The following KMT5B variants were observed in gnomAD, a reference collection of about 807,000 sequenced individuals.
KMT5B encodes the protein histone-lysine N-methyltransferase KMT5B.
A neutral mutation model predicts 83.2 loss-of-function variants in KMT5B; 10 were observed. The ratio of observed to expected loss-of-function variants is 0.12; its 90% CI spans 0.07 to 0.20. The LOEUF is 0.20. Ranked by LOEUF, KMT5B falls within the 10% of genes least tolerant of loss-of-function variation. The pLI is 1.00. For missense variants in KMT5B, 753 were observed against 1,067.2 expected (o/e 0.71, Z 4.10); for synonymous variants, 349 against 388.8 (o/e 0.90, Z 1.20).
chr11:68,170,996 A>G lies in KMT5B; in HGVS notation c.977+19T>C. On this transcript the variant is annotated intron_variant, in intron 9 of 10. Transcript: ENST00000304363. ...TTAACAAAAAATGTTTAGGCTGAAC[A>G]TTTTACTTAATACCTTACCTTTCGC... 1 of 1,566,742 alleles carries G rather than the reference A, an allele frequency of 6.4e-7. No homozygotes were observed. The highest frequency in any genetic ancestry group is 8.6e-7 in the Non-Finnish European group (1 of 1,164,430).
chr11:68,158,899 C>T lies in KMT5B; in HGVS notation c.1447G>A (p.Val483Ile). Residue 483 changes from valine to isoleucine, a missense_variant, in exon 11 of 11, where the codon GTT becomes ATT. Coordinates refer to ENST00000304363, the MANE Select transcript of KMT5B (RefSeq NM_017635.5). The part of the protein sequence containing the change: ...GNLVLKEPKV[V>I]LYKNLPIKKD... ...TTAATGGGCAAATTTTTATACAGAA[C>T]TACTTTAGGCTCTTTCAGTACTAAG... The T allele has an allele frequency of 6.2e-7, 1 of 1,614,158 alleles. No individual in the cohort carries two copies. The highest frequency in any genetic ancestry group is 8.5e-7 in the Non-Finnish European group (1 of 1,180,040).
chr11:68,174,572 G>A (rs911563437), intron 5 of KMT5B, among the ~76,000 whole-genome samples: 9 of 152,170 alleles, frequency 5.9e-5, no homozygotes, highest in Admixed American at 5.9e-4. Context: ...CTGTCTCCCA[G>A]GGCTGGAGCG....
chr11:68,161,061 A>G (rs1301088859), intron 10 of KMT5B, among the ~76,000 whole-genome samples: 1 of 152,230 alleles, frequency 6.6e-6, no homozygotes, highest in Non-Finnish European at 1.5e-5. Context: ...AAACAAGAAC[A>G]TACTTACACA....
intron 10 of KMT5B, among the ~76,000 whole-genome samples, chr11:68,160,403 T>C (rs1166801199): frequency 6.6e-6 from 1 of 152,190 alleles, no homozygotes; most frequent in Non-Finnish European, 1.5e-5. Context: ...GTTGAAAAAC[T>C]TCTTCCTAAT....
At chr11:68,204,873 T>G (rs1051058434) in intron 1 of KMT5B, among the ~76,000 whole-genome samples, 1 of 152,072 alleles carries the variant, frequency 6.6e-6, no homozygotes, top group Non-Finnish European at 1.5e-5. Context: ...CACCTTGGCC[T>G]CCCAAAGTGC....
At chr11:68,177,740 A>AAT (rs1374486131) in intron 4 of KMT5B, among the ~76,000 whole-genome samples, 16 of 152,222 alleles carry the variant, frequency 1.1e-4, no homozygotes, top group Non-Finnish European at 2.1e-4. Flanking sequence ...CAGACAGATA[A>AAT]ATGCAAGTCC....
intron 3 of KMT5B, among the ~76,000 whole-genome samples, chr11:68,182,668 T>C (rs770525321): frequency 6.6e-6 from 1 of 151,762 alleles, no homozygotes; most frequent in African/African-American, 2.4e-5. Flanking sequence ...GGCAGCCTTC[T>C]GGAATACGGC....
chr11:68,171,856 G>T lies in KMT5B; in HGVS notation c.654-147C>A. 3.1e-6 allele frequency: 2 copies of T among 650,520 alleles called. No homozygotes were observed. Among genetic ancestry groups the T allele is most frequent in the South Asian group, 4.2e-5 (2 of 48,162 alleles). 40.3% of individuals were successfully genotyped at this position (650,520 alleles called of 1,614,324 possible). A position where few individuals can be genotyped will look rare whatever the true frequency, so the allele number is the denominator to read the frequency against. ...GTTAGCTCACTGGGATCCCCACCTG[G>T]CTATCTTCTCTCCTACCCTGGAGCT... On this transcript the variant is annotated intron_variant, in intron 6 of 10. Coordinates refer to ENST00000304363, the MANE Select transcript of KMT5B (RefSeq NM_017635.5). This position sits in a 1 kb window ranked among gnomAD's most constrained non-coding sequence, Gnocchi z 5.1.
intron 10 of KMT5B, among the ~76,000 whole-genome samples, chr11:68,159,494 AT>A (rs1266093485): frequency 6.6e-6 from 1 of 152,198 alleles, no homozygotes; most frequent in East Asian, 1.9e-4. Flanking sequence ...TCTTCTCCTG[AT>A]TTAGTAGTTT....
Position 68,171,377 on chromosome 11 carries a change from G to T in KMT5B, c.821-126C>A, listed in dbSNP as rs984429671. 1.6e-5 allele frequency: 20 copies of T among 1,286,640 alleles called. No homozygotes were observed. Among genetic ancestry groups the T allele is most frequent in the Admixed American group, 4.6e-5 (2 of 43,320 alleles). 79.7% of individuals were successfully genotyped at this position (1,286,640 alleles called of 1,614,324 possible). A position where few individuals can be genotyped will look rare whatever the true frequency, so the allele number is the denominator to read the frequency against. On this transcript the variant is annotated intron_variant, in intron 7 of 10. Transcript: ENST00000304363. The surrounding 1 kb of genome is among the most constrained non-coding windows in gnomAD (Gnocchi z 5.1). ...CTTTTGATAGGAGTTTAGGTCTCAA[G>T]TTCAACTAAAGGAATATACATTTAT...
chr11:68,162,107 T>G (rs983571482), intron 10 of KMT5B, among the ~76,000 whole-genome samples: 55 of 152,274 alleles, frequency 3.6e-4, no homozygotes, highest in African/African-American at 1.3e-3. Flanking sequence ...AGTCCACCCC[T>G]GCAATGTCAC....
In KMT5B at chr11:68,158,792, T is replaced by A; in HGVS notation, c.1554A>T (p.Arg518Ser). Residue 518 changes from arginine (R) to serine (S), a missense_variant, in exon 11 of 11, where the codon AGA (arginine) becomes AGT (serine). Arg to Ser is a moderately radical substitution (Grantham distance 110). Coordinates refer to ENST00000304363, the MANE Select transcript of KMT5B (RefSeq NM_017635.5). ...CLTRHAAREHRQNPVRGAHSQ... is the reference protein window; with the variant it reads ...CLTRHAAREHSQNPVRGAHSQ... ...AATGAGCACCTCTCACAGGATTCTG[T>A]CTGTGTTCTCTCGCCGCGTGTCTAG... 6.2e-7 allele frequency: 1 copy of A among 1,614,142 alleles called. No homozygotes were observed. The highest frequency in any genetic ancestry group is 8.5e-7 in the Non-Finnish European group (1 of 1,180,020).
intron 1 of KMT5B, among the ~76,000 whole-genome samples, chr11:68,194,533 A>G (rs925801952): frequency 3.3e-5 from 5 of 152,194 alleles, no homozygotes; most frequent in Admixed American, 2.6e-4. Flanking sequence ...AATGCATTGA[A>G]GATTTGAATT....
chr11:68,211,068 C>T (rs1028611102), intron 1 of KMT5B, among the ~76,000 whole-genome samples: 2 of 152,124 alleles, frequency 1.3e-5, no homozygotes, highest in African/African-American at 2.4e-5. Flanking sequence ...GAACCCAGGC[C>T]CTATAAACCC....
chr11:68,201,491 T>C (rs558148217), intron 1 of KMT5B, among the ~76,000 whole-genome samples: 2 of 152,268 alleles, frequency 1.3e-5, no homozygotes, highest in African/African-American at 4.8e-5. Context: ...TTTTGAGAAA[T>C]TGTGTCCAAT....
Position 68,206,470 on chromosome 11 carries a change from T to C in KMT5B, c.-77+6668A>G, listed in dbSNP as rs187491150. On this transcript the variant is annotated intron_variant, in intron 1 of 10. Transcript: ENST00000304363. ...CTGGACGTTAGAGGCCACTTTGAGT[T>C]TGCCAGCTGGTGGGCTTTGCAGAGG... 7.9e-5 allele frequency among the ~76,000 whole-genome samples: 12 copies of C among 152,284 alleles called. No homozygotes were observed. In the East Asian group the frequency reaches 2.3e-3, roughly 29 times the overall value.
intron 1 of KMT5B, among the ~76,000 whole-genome samples, chr11:68,199,640 A>C (rs1859168237): frequency 6.6e-6 from 1 of 152,184 alleles, no homozygotes; most frequent in South Asian, 2.1e-4. Flanking sequence ...AGCTTGCTAC[A>C]TGGTACTTTA....
intron 6 of KMT5B, among the ~76,000 whole-genome samples, chr11:68,172,283 A>AGT (rs1454978141): frequency 3.9e-5 from 6 of 152,122 alleles, no homozygotes; most frequent in Non-Finnish European, 8.8e-5. Flanking sequence ...CCCAGGCTGG[A>AGT]GTGCAGTGGC....
chr11:68,159,333 C>T (rs1854656815), intron 10 of KMT5B, among the ~76,000 whole-genome samples, 162 bp from the exon 11 acceptor site: 1 of 152,188 alleles, frequency 6.6e-6, no homozygotes, highest in South Asian at 2.1e-4. Flanking sequence ...ATTCCCTACA[C>T]TGCTTCTCTT....
Sources: gnomAD v4.1 joint callset for allele counts (sites outside exome capture counted in the v4.1 genomes callset) on GRCh38, gnomAD v4.1.1 for gene constraint, Gnocchi (gnomAD v3.1) non-coding constraint, MANE v1.5 for transcripts, NCBI Gene and HGNC (gene_info 2026-07-23, HGNC 2026-07-21) for gene names.